The following PLA2G4A variants were observed in gnomAD, a reference collection of about 807,000 sequenced individuals.
PLA2G4A encodes the protein cytosolic phospholipase A2.
In PLA2G4A, 40 loss-of-function variants were observed where a neutral mutation model predicts 81.9. That is an observed-to-expected ratio of 0.49 (90% CI 0.38 to 0.64). The LOEUF is 0.64. Ranked by LOEUF, PLA2G4A falls within the 30% of genes least tolerant of loss-of-function variation. PLA2G4A has a pLI of 0.00. For synonymous variants in PLA2G4A, 302 were observed against 296.9 expected, an observed-to-expected ratio of 1.02 and a Z score of -0.18; for missense variants, 715 against 905.1, an observed-to-expected ratio of 0.79 and a Z score of 2.69.
intron 2 of PLA2G4A, among the ~76,000 whole-genome samples, chr1:186,869,201 A>T (rs12567135): frequency 0.26 from 39,022 of 151,994 alleles, 5,767 homozygotes; most frequent in Non-Finnish European, 0.33. Context: ...CTTTCAAGGC[A>T]TCATTCAAAT....
At chr1:186,863,771 T>TG (rs1652905921) in intron 2 of PLA2G4A, among the ~76,000 whole-genome samples, 3 of 146,360 alleles carry the variant, frequency 2.0e-5, no homozygotes, top group Non-Finnish European at 4.5e-5. Flanking sequence ...ATTTTTTTTT[T>TG]TTTTTTGGGG....
chr1:186,910,833 G>A (rs376084859), intron 6 of PLA2G4A, among the ~76,000 whole-genome samples: 1 of 152,274 alleles, frequency 6.6e-6, no homozygotes, highest in East Asian at 1.9e-4. Flanking sequence ...GGCTCTTTGG[G>A]ATGTTAGAAA....
At chr1:186,977,230 C>T (rs1056783811) in intron 15 of PLA2G4A, among the ~76,000 whole-genome samples, 29 of 152,166 alleles carry the variant, frequency 1.9e-4, no homozygotes, top group African/African-American at 6.5e-4. Flanking sequence ...TCTGCATCAT[C>T]AGATTCCTTT....
intron 7 of PLA2G4A, 110 bp from the exon 8 acceptor site, chr1:186,932,652 AC>A: frequency 1.8e-6 from 2 of 1,105,344 alleles, no homozygotes; most frequent in Non-Finnish European, 2.8e-6. Flanking sequence ...AAGTTAACTT[AC>A]ACTTCTTTGT....
rs375283585 is a variant in PLA2G4A, at chr1:186,906,890, TA to T, written c.379-74del. 9.2e-4 allele frequency: 717 copies of T among 777,744 alleles called. 1 individual carries two copies. The highest frequency in any genetic ancestry group is 1.5e-3 in the Non-Finnish European group (672 of 448,140). The allele number at this position is 777,744 out of a possible 1,614,324, so 48.2% of individuals were successfully genotyped here. A position where few individuals can be genotyped will look rare whatever the true frequency, so the allele number is the denominator to read the frequency against. Reference sequence around the variant, plus strand: ...TAAAAATAATCTGGCACTCAAAATTTATTTTGAGTTTGTTTCCATGATATAA... The same window carrying T: ...TAAAAATAATCTGGCACTCAAAATTTTTTTGAGTTTGTTTCCATGATATAA... On this transcript the variant is annotated intron_variant, in intron 5 of 17. Coordinates refer to ENST00000367466, the MANE Select transcript of PLA2G4A (RefSeq NM_024420.3).
In PLA2G4A at chr1:186,932,906, A is replaced by G; in HGVS notation, c.695+7A>G. The G allele has an allele frequency of 6.3e-7, 1 of 1,599,922 alleles. No individual in the cohort carries two copies. Among genetic ancestry groups the G allele is most frequent in the Non-Finnish European group, 8.6e-7 (1 of 1,167,392 alleles). ...GTCTTTCTGGCTCCACCTGGTTAGT[A>G]TACATTTTTAATTTTAGTTTTATAA... On this transcript the variant is annotated splice_region_variant and intron_variant, in intron 8 of 17. Coordinates refer to ENST00000367466, the MANE Select transcript of PLA2G4A (RefSeq NM_024420.3).
At chr1:186,929,965 G>A (rs1203735762) in intron 7 of PLA2G4A, among the ~76,000 whole-genome samples, 2 of 152,098 alleles carry the variant, frequency 1.3e-5, no homozygotes, top group African/African-American at 4.8e-5. Flanking sequence ...GCCAAGGTGG[G>A]TGGATCCCTT....
At chr1:186,882,767 G>A (rs544504135) in intron 3 of PLA2G4A, among the ~76,000 whole-genome samples, 47 of 152,222 alleles carry the variant, frequency 3.1e-4, no homozygotes, top group African/African-American at 1.1e-3. Flanking sequence ...AATAGTCTAT[G>A]TGAGAGGTGG....
At chr1:186,898,167 A>G (rs889328200) in intron 5 of PLA2G4A, among the ~76,000 whole-genome samples, 2 of 152,092 alleles carry the variant, frequency 1.3e-5, no homozygotes, top group African/African-American at 4.8e-5. Flanking sequence ...TTTATATAGT[A>G]TTATATAATT....
intron 1 of PLA2G4A, among the ~76,000 whole-genome samples, chr1:186,832,096 A>G (rs1228783039): frequency 6.6e-6 from 1 of 152,146 alleles, no homozygotes; most frequent in Admixed American, 6.5e-5. Flanking sequence ...TTTCATCTGT[A>G]TATAGGCTGT....
At position 186,854,301 on chromosome 1, in the gene PLA2G4A, G is replaced by A; in HGVS notation, c.-54G>A. Reference sequence around the variant, plus strand: ...TATTTTGTAGGTTTTAAAGACGCTAGAGTGCCAAAGAAGACTTTGAAGTGT... The same window carrying A: ...TATTTTGTAGGTTTTAAAGACGCTAAAGTGCCAAAGAAGACTTTGAAGTGT... On this transcript the variant is annotated 5_prime_UTR_variant, in exon 2 of 18. Transcript: ENST00000367466. The A allele has an allele frequency of 9.7e-7, 1 of 1,030,716 alleles. No individual in the cohort carries two copies. The highest frequency in any genetic ancestry group is 1.6e-5 in the African/African-American group (1 of 63,814). The allele number at this position is 1,030,716 out of a possible 1,614,324, so 63.8% of individuals were successfully genotyped here.
chr1:186,980,683 C>T (rs544435418), intron 17 of PLA2G4A, among the ~76,000 whole-genome samples: 194 of 152,192 alleles, frequency 1.3e-3, no homozygotes, highest in Admixed American at 2.0e-3. Flanking sequence ...ATCTAGTTTG[C>T]TTGCTTGTTT....
chr1:186,831,781 G>A (rs1651600283), intron 1 of PLA2G4A, among the ~76,000 whole-genome samples: 1 of 151,952 alleles, frequency 6.6e-6, no homozygotes, highest in Non-Finnish European at 1.5e-5. Context: ...AATATCTATT[G>A]AGTACCCAGT....
intron 5 of PLA2G4A, among the ~76,000 whole-genome samples, chr1:186,906,658 T>C (rs1004016971): frequency 1.3e-5 from 2 of 152,232 alleles, no homozygotes; most frequent in African/African-American, 4.8e-5. Context: ...ACTTTTTATA[T>C]TTTGTAAATA....
chr1:186,842,971 G>C (rs943021357), intron 1 of PLA2G4A, among the ~76,000 whole-genome samples: 1 of 152,112 alleles, frequency 6.6e-6, no homozygotes, highest in African/African-American at 2.4e-5. Flanking sequence ...CTTTTGTAGA[G>C]TGAAAAAATG....
intron 3 of PLA2G4A, among the ~76,000 whole-genome samples, chr1:186,885,863 A>T (rs1653918367): frequency 6.6e-6 from 1 of 152,134 alleles, no homozygotes; most frequent in African/African-American, 2.4e-5. Flanking sequence ...ACTGAAACAC[A>T]AAAGACAAAT....
At chr1:186,835,762 G>T (rs1481295684) in intron 1 of PLA2G4A, among the ~76,000 whole-genome samples, 1 of 152,124 alleles carries the variant, frequency 6.6e-6, no homozygotes, top group Non-Finnish European at 1.5e-5. Context: ...TTATATCCCT[G>T]GTTCTTAGAA....
In PLA2G4A at chr1:186,956,229, G is replaced by A. The variant is rs781508988; in HGVS notation, c.1464G>A (p.Lys488=). ...ATACCAGAGAAGGACGTGCTGGGAA[G>A]GTACACAACTTCATGCTGGGCTTGA... is the stretch of plus-strand genomic sequence containing the variant. The part of the protein sequence containing the change: ...LFNTREGRAG[K]VHNFMLGLNL... Residue 488 remains lysine (K), a synonymous_variant, in exon 14 of 18, where the codon AAG becomes AAA. Transcript: ENST00000367466. 7 of 1,613,956 alleles carry A rather than the reference G, an allele frequency of 4.3e-6. No homozygotes were observed. The highest frequency in any genetic ancestry group is 2.2e-5 in the East Asian group (1 of 44,862).
At chr1:186,835,013 A>G (rs938785775) in intron 1 of PLA2G4A, among the ~76,000 whole-genome samples, 1 of 152,226 alleles carries the variant, frequency 6.6e-6, no homozygotes, top group Non-Finnish European at 1.5e-5. Context: ...AACATTAGTT[A>G]TACGCTTGAC....
Sources: gnomAD v4.1 joint callset for allele counts (sites outside exome capture counted in the v4.1 genomes callset) on GRCh38, gnomAD v4.1.1 for gene constraint, MANE v1.5 for transcripts, NCBI Gene and HGNC (gene_info 2026-07-23, HGNC 2026-07-21) for gene names.